The following AGBL1 variants were observed in gnomAD, a reference collection of about 807,000 sequenced individuals.
The protein encoded by AGBL1 is cytosolic carboxypeptidase 4.
A neutral mutation model predicts 118.9 loss-of-function variants in AGBL1; 130 were observed. That is an observed-to-expected ratio of 1.09 (90% CI 0.95 to 1.26). The LOEUF is 1.26. Ranked by LOEUF, AGBL1 falls within the 50% of genes most tolerant of loss-of-function variation. The probability of loss-of-function intolerance (pLI) is 0.00; values close to 1 mark genes in which losing one functional copy is unlikely to be tolerated. For synonymous variants in AGBL1, 555 were observed against 478.9 expected (o/e 1.16, Z -2.08); for missense variants, 1,584 against 1,298.1 (o/e 1.22, Z -3.38).
rs186687048 is a variant in AGBL1 at position 86,968,169 on chromosome 15, T to A, written c.3222-19818T>A. ...CAGAAAGAGGGTCACCCAAAATCAT[T>A]TGGAGTAGTGACAATGACATTGGAT... On this transcript the variant is annotated intron_variant, in intron 23 of 24. Coordinates refer to the AGBL1 transcript ENST00000441037. 1.3e-5 allele frequency among the ~76,000 whole-genome samples: 2 copies of A among 151,742 alleles called. 1 individual carries two copies. The highest frequency in any genetic ancestry group is 4.2e-4 in the South Asian group (2 of 4,818).
At chr15:86,415,220 G>T (rs2081674925) in intron 18 of AGBL1, among the ~76,000 whole-genome samples, 1 of 152,130 alleles carries the variant, frequency 6.6e-6, no homozygotes. Context: ...TGAGCTTCCT[G>T]TAGGGAGGGT....
At chr15:86,622,054 G>A (rs1308219225) in intron 21 of AGBL1, among the ~76,000 whole-genome samples, 1 of 152,188 alleles carries the variant, frequency 6.6e-6, no homozygotes, top group Non-Finnish European at 1.5e-5. Flanking sequence ...TCAGCCAGGT[G>A]TAGTGGCTCA....
chr15:86,205,150 T>A (rs1271982060), intron 5 of AGBL1, among the ~76,000 whole-genome samples: 2 of 152,238 alleles, frequency 1.3e-5, no homozygotes, highest in Non-Finnish European at 2.9e-5. Flanking sequence ...AGGCAACCAC[T>A]GATTTTTTCA....
chr15:86,128,607 A>G (rs1409605466), intron 1 of AGBL1, among the ~76,000 whole-genome samples: 1 of 152,140 alleles, frequency 6.6e-6, no homozygotes, highest in Non-Finnish European at 1.5e-5. Flanking sequence ...CGTTCCTTCC[A>G]CCCCAGTTCA....
chr15:86,208,547 G>T (rs909657771), intron 5 of AGBL1, among the ~76,000 whole-genome samples: 2 of 152,104 alleles, frequency 1.3e-5, no homozygotes, highest in Non-Finnish European at 2.9e-5. Flanking sequence ...TTTAGTCTTG[G>T]GAGGGTGCAT....
chr15:86,837,163 C>A (rs922910529), intron 22 of AGBL1, among the ~76,000 whole-genome samples: 1 of 151,050 alleles, frequency 6.6e-6, no homozygotes, highest in African/African-American at 2.4e-5. Flanking sequence ...AGGATCCCTG[C>A]ATATACATCC....
intron 21 of AGBL1, among the ~76,000 whole-genome samples, chr15:86,569,270 A>T (rs2083964890): frequency 6.6e-6 from 1 of 152,078 alleles, no homozygotes; most frequent in Non-Finnish European, 1.5e-5. Context: ...ATCTCTACAA[A>T]AAAAATTAAA....
intron 24 of AGBL1, among the ~76,000 whole-genome samples, chr15:86,998,888 G>A (rs970490408): frequency 1.3e-5 from 2 of 150,678 alleles, no homozygotes; most frequent in Admixed American, 1.3e-4. Context: ...TATACTTTAA[G>A]TTCTAGGGTA....
chr15:86,884,146 A>T (rs761572836), intron 22 of AGBL1, among the ~76,000 whole-genome samples: 1 of 152,196 alleles, frequency 6.6e-6, no homozygotes, highest in Non-Finnish European at 1.5e-5. Flanking sequence ...ATCACCAGCA[A>T]CACTATTATT....
chr15:86,518,780 C>T (rs749517601), intron 18 of AGBL1, among the ~76,000 whole-genome samples: 6 of 151,942 alleles, frequency 3.9e-5, no homozygotes, highest in Admixed American at 6.6e-5. Flanking sequence ...AGTATTCCAA[C>T]TCTGTACCAC....
In AGBL1 at chr15:86,335,598, T is replaced by A. The variant is rs115824438; in HGVS notation, c.2374+40190T>A. ...TGCACTTGAACACACCAAAGTGAAG[T>A]TGCAGAACACCAAATATTGAGGGAA... is the stretch of plus-strand genomic sequence containing the variant. On this transcript the variant is annotated intron_variant, in intron 17 of 22. Transcript: ENST00000614907. 8.2e-3 allele frequency among the ~76,000 whole-genome samples: 1,248 copies of A among 152,312 alleles called. 10 individuals carry two copies. Among genetic ancestry groups the A allele is most frequent in the African/African-American group, 0.029 (1,191 of 41,568 alleles).
At chr15:86,213,803 A>G (rs900460352) in intron 5 of AGBL1, among the ~76,000 whole-genome samples, 6 of 152,200 alleles carry the variant, frequency 3.9e-5, no homozygotes, top group African/African-American at 7.2e-5. Flanking sequence ...TTTAAAGTGT[A>G]CAATTCAGTC....
intron 22 of AGBL1, among the ~76,000 whole-genome samples, chr15:86,862,828 G>A (rs1029426500): frequency 1.3e-5 from 2 of 152,294 alleles, no homozygotes; most frequent in East Asian, 1.9e-4. Context: ...ATACATACAC[G>A]AGGACATCTA....
rs140439623 is a variant in AGBL1 at position 86,988,406 on chromosome 15, G to T, written c.3323+318G>T. 300 of 191,416 alleles carry T rather than the reference G, an allele frequency of 1.6e-3. 2 individuals carry two copies. Among genetic ancestry groups the T allele is most frequent in the African/African-American group, 6.7e-3 (288 of 43,048 alleles). 11.9% of individuals were successfully genotyped at this position (191,416 alleles called of 1,614,324 possible). ...GTTTTGTTAGTAAATATACACCAAG[G>T]TTTCATTGGTAAATGTCTTGCTTGC... On this transcript the variant is annotated intron_variant, in intron 24 of 24. Coordinates refer to the AGBL1 transcript ENST00000441037.
intron 22 of AGBL1, among the ~76,000 whole-genome samples, chr15:86,898,693 A>G (rs1008270601): frequency 2.0e-5 from 3 of 152,202 alleles, no homozygotes; most frequent in Non-Finnish European, 4.4e-5. Flanking sequence ...GAACTTAAAG[A>G]GGAAAACAAA....
At chr15:87,019,095 A>G (rs190188461) in intron 24 of AGBL1, among the ~76,000 whole-genome samples, 8 of 152,314 alleles carry the variant, frequency 5.3e-5, no homozygotes, top group Admixed American at 2.0e-4. Context: ...TATGCACTCA[A>G]TACATGAGCA....
At chr15:86,754,331 A>G (rs1375502488) in intron 22 of AGBL1, among the ~76,000 whole-genome samples, 7 of 152,240 alleles carry the variant, frequency 4.6e-5, no homozygotes, top group Middle Eastern at 3.4e-3. Flanking sequence ...GGCAGGTGCC[A>G]TGAGCAACTT....
At chr15:86,781,004 G>T (rs1398693196) in intron 22 of AGBL1, among the ~76,000 whole-genome samples, 1 of 151,972 alleles carries the variant, frequency 6.6e-6, no homozygotes, top group African/African-American at 2.4e-5. Context: ...GCTCATTTTT[G>T]AAGTTTTTAT....
At chr15:87,007,776 A>G (rs1193697607) in intron 24 of AGBL1, among the ~76,000 whole-genome samples, 2 of 152,218 alleles carry the variant, frequency 1.3e-5, no homozygotes, top group Non-Finnish European at 2.9e-5. Flanking sequence ...ACCTCTGTGT[A>G]TGCTTAGTCA....
Sources: gnomAD v4.1 joint callset for allele counts (sites outside exome capture counted in the v4.1 genomes callset) on GRCh38, gnomAD v4.1.1 for gene constraint, MANE v1.5 for transcripts, NCBI Gene and HGNC (gene_info 2026-07-23, HGNC 2026-07-21) for gene names.